Variants in COX18 observed in about 807,000 individuals in gnomAD.
The protein encoded by COX18 is cytochrome c oxidase assembly protein COX18, mitochondrial.
In COX18, 45 loss-of-function variants were observed where a neutral mutation model predicts 38.0. The observed-to-expected ratio is 1.18, with a 90% confidence interval of 0.93 to 1.52. The LOEUF (loss-of-function observed/expected upper bound fraction) is 1.52, where lower values mean the gene tolerates loss of function less well. Ranked by LOEUF, COX18 falls within the 40% of genes most tolerant of loss-of-function variation. The pLI, the probability that COX18 is intolerant of heterozygous loss-of-function variation, is 0.00. For missense variants in COX18, 462 were observed against 423.8 expected (o/e 1.09, Z -0.79); for synonymous variants, 177 against 169.8 (o/e 1.04, Z -0.33).
At position 73,057,487 on chromosome 4, in the gene COX18, T is replaced by C. The variant is rs1577944568; in HGVS notation, c.*627A>G. 6.6e-6 allele frequency: 1 copy of C among 152,088 alleles called. No individual in the cohort carries two copies. The highest frequency in any genetic ancestry group is 1.9e-4 in the East Asian group (1 of 5,196). 9.4% of individuals were successfully genotyped at this position (152,088 alleles called of 1,614,324 possible). ...TATTTTACAAAACAGTAATATGCAG[T>C]ATTGTTTAGTTTAACTTGCCATCAT... On this transcript the variant is annotated 3_prime_UTR_variant, in exon 6 of 6. Coordinates refer to ENST00000507544, the MANE Select transcript of COX18 (RefSeq NM_001297732.2).
At chr4:73,066,678 A>C (rs534953542) in intron 2 of COX18, among the ~76,000 whole-genome samples, 3 of 152,348 alleles carry the variant, frequency 2.0e-5, no homozygotes. Context: ...GGCTGCGTTG[A>C]TAACCCAGGC....
intron 4 of COX18, among the ~76,000 whole-genome samples, chr4:73,063,535 G>A (rs552923986): frequency 1.0e-3 from 157 of 152,130 alleles, no homozygotes; most frequent in East Asian, 3.3e-3. Flanking sequence ...AACTAGAGGC[G>A]CACGCCACCA....
chr4:73,061,122 C>A (rs1422540092), intron 5 of COX18, among the ~76,000 whole-genome samples: 1 of 152,090 alleles, frequency 6.6e-6, no homozygotes, highest in Non-Finnish European at 1.5e-5. Flanking sequence ...TATACAGGGA[C>A]AAGTTTACCT....
At chr4:73,067,864 A>AAAAAAATAT in intron 2 of COX18, among the ~76,000 whole-genome samples, 165 bp downstream of exon 2, 18 of 20,014 alleles carry the variant, frequency 9.0e-4, no homozygotes, top group Admixed American at 1.2e-3. Flanking sequence ...AAAAAAAAAA[A>AAAAAAATAT]ATATATATAT....
At chr4:73,061,645 T>C (rs1720161038) in intron 5 of COX18, among the ~76,000 whole-genome samples, 168 bp downstream of exon 5, 1 of 148,836 alleles carries the variant, frequency 6.7e-6, no homozygotes, top group Non-Finnish European at 1.5e-5. Flanking sequence ...GAGGCGGAGC[T>C]TGCAGTGAGC....
chr4:73,058,591 T>A (rs1720006833), intron 5 of COX18, among the ~76,000 whole-genome samples: 1 of 152,180 alleles, frequency 6.6e-6, no homozygotes. Flanking sequence ...ACATAACTTT[T>A]TCCCCACCAA....
At chr4:73,060,836 C>A (rs532363724) in intron 5 of COX18, among the ~76,000 whole-genome samples, 1 of 148,122 alleles carries the variant, frequency 6.8e-6, no homozygotes, top group Admixed American at 6.8e-5. Context: ...GCTGAGATTG[C>A]GCCACTGCAC....
chr4:73,053,895 CT>C lies in COX18; in HGVS notation c.*4218del, dbSNP rs1719807212. ...TGGGATCATTTCAGATACGCCAATT[CT>C]ATCTATTAATATACTTTTGAACTCA... On this transcript the variant is annotated 3_prime_UTR_variant, in exon 6 of 6. Coordinates refer to ENST00000507544, the MANE Select transcript of COX18 (RefSeq NM_001297732.2). 1 of 152,216 alleles carries C rather than the reference CT, an allele frequency of 6.6e-6. No individual in the cohort carries two copies. Among genetic ancestry groups the C allele is most frequent in the South Asian group, 2.1e-4 (1 of 4,832 alleles). 9.4% of individuals were successfully genotyped at this position (152,216 alleles called of 1,614,324 possible).
At chr4:73,065,988 C>G (rs779545084) in intron 2 of COX18, among the ~76,000 whole-genome samples, 16 of 152,092 alleles carry the variant, frequency 1.1e-4, no homozygotes, top group Non-Finnish European at 1.0e-4. Context: ...TCCTTCAGGT[C>G]CAAGAGAATA....
At chr4:73,067,988 G>T in intron 2 of COX18, 41 bp downstream of exon 2, 2 of 1,032,258 alleles carry the variant, frequency 1.9e-6, no homozygotes, top group Non-Finnish European at 3.0e-6. Context: ...GTGTGTGTGT[G>T]TATGTGTGCG....
intron 2 of COX18, among the ~76,000 whole-genome samples, chr4:73,066,389 T>C (rs182282156): frequency 6.6e-6 from 1 of 152,270 alleles, no homozygotes; most frequent in East Asian, 1.9e-4. Flanking sequence ...CTCAATACTA[T>C]TGAAAATGCA....
At chr4:73,069,752 A>C, upstream of COX18, 1 of 1,136,564 alleles carries the variant, frequency 8.8e-7, no homozygotes, top group Non-Finnish European at 1.2e-6. Flanking sequence ...AGCGGGCATA[A>C]AGCGCATGCG....
chr4:73,062,125 G>C (rs1249910889), intron 4 of COX18, among the ~76,000 whole-genome samples: 1 of 151,994 alleles, frequency 6.6e-6, no homozygotes, highest in Non-Finnish European at 1.5e-5. Flanking sequence ...ACTGAGACCA[G>C]TTTAAGGGCT....
At chr4:73,060,235 C>G (rs1475970469) in intron 5 of COX18, among the ~76,000 whole-genome samples, 3 of 152,126 alleles carry the variant, frequency 2.0e-5, no homozygotes, top group African/African-American at 7.2e-5. Context: ...GTATTTAAGG[C>G]ATTGTGTTTT....
Position 73,064,975 on chromosome 4 carries a change from G to C in COX18, c.599-73C>G, listed in dbSNP as rs149180075. 3,147 of 1,434,640 alleles carry C rather than the reference G, an allele frequency of 2.2e-3. 55 individuals are homozygous for C. In the African/African-American group the frequency reaches 0.04, roughly 18 times the overall value. 88.9% of individuals were successfully genotyped at this position (1,434,640 alleles called of 1,614,324 possible). On this transcript the variant is annotated intron_variant, in intron 3 of 5. Coordinates refer to ENST00000507544, the MANE Select transcript of COX18 (RefSeq NM_001297732.2). ...AGAAAAATATATAAGACATAAATAA[G>C]TAGTCTGACAATTCCAATAAGGTGT...
chr4:73,065,104 A>G (rs765532270), intron 3 of COX18, 146 bp downstream of exon 3: 18 of 921,908 alleles, frequency 2.0e-5, no homozygotes, highest in Non-Finnish European at 2.9e-5. Context: ...ATCTGTTTAC[A>G]CTTAAGACTT....
At chr4:73,066,810 C>T (rs751094895) in intron 2 of COX18, among the ~76,000 whole-genome samples, 2 of 152,068 alleles carry the variant, frequency 1.3e-5, no homozygotes, top group African/African-American at 4.8e-5. Context: ...TAAGCTATCA[C>T]CACGATTTTT....
intron 1 of COX18, 124 bp downstream of exon 1, chr4:73,069,179 AATGAAATGGTCACG>A (rs1226240057): frequency 1.5e-6 from 1 of 659,038 alleles, no homozygotes; most frequent in African/African-American, 1.8e-5. Context: ...AAATGGTCAC[AATGAAATGGTCACG>A]ATGATTAAAC....
At chr4:73,062,776 G>C (rs1720239213) in intron 4 of COX18, among the ~76,000 whole-genome samples, 1 of 148,488 alleles carries the variant, frequency 6.7e-6, no homozygotes, top group African/African-American at 2.5e-5. Flanking sequence ...GGCACAGGTT[G>C]CAGTGAGCTG....
Sources: allele counts gnomAD v4.1 joint callset (sites outside exome capture counted in the v4.1 genomes callset), GRCh38; gene constraint gnomAD v4.1.1; transcripts MANE v1.5; gene names NCBI Gene and HGNC (gene_info 2026-07-23, HGNC 2026-07-21).